Variants in PRRT4 observed in about 807,000 individuals in gnomAD.
PRRT4 encodes proline-rich transmembrane protein 4.
A neutral mutation model predicts 55.6 loss-of-function variants in PRRT4; 59 were observed. The ratio of observed to expected loss-of-function variants is 1.06; its 90% CI spans 0.86 to 1.32. The LOEUF is 1.32. PRRT4 is among the 40% of genes most tolerant of loss of function. PRRT4 has a pLI of 0.00. For missense variants in PRRT4, 1,217 were observed against 1,222.0 expected (o/e 1.00, Z 0.06); for synonymous variants, 606 against 601.8 (o/e 1.01, Z -0.10).
chr7:128,351,693 G>A, exon 5 of PRRT4: 1 of 1,506,554 alleles, frequency 6.6e-7, no homozygotes, highest in Non-Finnish European at 8.8e-7. Flanking sequence ...AGAGCGCCGG[G>A]TAGAGGCCCA....
At chr7:128,352,398 G>A in exon 5 of PRRT4, 1 of 1,524,420 alleles carries the variant, frequency 6.6e-7, no homozygotes, top group South Asian at 1.2e-5. Context: ...AGGGCAAGAG[G>A]GCCAGAGCCA....
At chr7:128,354,488 G>A (rs896633044) in intron 4 of PRRT4, among the ~76,000 whole-genome samples, 6 of 152,000 alleles carry the variant, frequency 3.9e-5, no homozygotes, top group African/African-American at 9.7e-5. Flanking sequence ...CGCTTGAACC[G>A]GGGAGGCGGA....
Position 128,361,103 on chromosome 7 carries a change from T to A in PRRT4, c.-73+458A>T, listed in dbSNP as rs10260566. Among the ~76,000 whole-genome samples the A allele has an allele frequency of 0.35, 26,878 of 76,452 alleles. 4,139 individuals carry two copies. The highest frequency in any genetic ancestry group is 0.44 in the Middle Eastern group (61 of 138). 50.2% of individuals were successfully genotyped at this position (76,452 alleles called of 152,430 possible). On this transcript the variant is annotated intron_variant, in intron 1 of 4. Transcript: ENST00000535159. ...CTCTCTCTCTCTCTCTCTCTCTCTC[T>A]CACACACACACACACACACACACAC...
exon 3 of PRRT4, chr7:128,359,212 C>G (rs375136420): frequency 6.4e-7 from 1 of 1,551,606 alleles, no homozygotes; most frequent in Non-Finnish European, 8.7e-7. Context: ...GGGCTCAGGC[C>G]GGAGAAGTTC....
exon 5 of PRRT4, chr7:128,351,956 C>A: frequency 7.7e-7 from 1 of 1,299,236 alleles, no homozygotes; most frequent in Non-Finnish European, 9.7e-7. Context: ...CCCTTGAAGC[C>A]CGACCCTCCC....
At chr7:128,359,941 A>G in exon 2 of PRRT4, 1 of 1,452,658 alleles carries the variant, frequency 6.9e-7, no homozygotes, top group Non-Finnish European at 9.1e-7. Context: ...CAGTAGCAGC[A>G]AACAGGACGC....
At chr7:128,360,555 C>T (rs1419159956) in intron 1 of PRRT4, among the ~76,000 whole-genome samples, 1 of 152,132 alleles carries the variant, frequency 6.6e-6, no homozygotes, top group Non-Finnish European at 1.5e-5. Context: ...CCAGGGGGCA[C>T]AGGGCCTCGG....
chr7:128,351,617 G>A, exon 5 of PRRT4: 1 of 1,510,544 alleles, frequency 6.6e-7, no homozygotes. Flanking sequence ...GGCAGCAGCG[G>A]AGCCGCGTGG....
chr7:128,358,892 T>C lies in PRRT4; in HGVS notation c.758-92A>G. 1 of 1,463,176 alleles carries C rather than the reference T, an allele frequency of 6.8e-7. No individual in the cohort carries two copies. 90.6% of individuals were successfully genotyped at this position (1,463,176 alleles called of 1,614,324 possible). On this transcript the variant is annotated intron_variant, in intron 3 of 4. Coordinates refer to ENST00000535159, the Ensembl canonical transcript of PRRT4. This position sits in a 1 kb window ranked among gnomAD's most constrained non-coding sequence, Gnocchi z 4.4. ...GAAAATTATGTCCTTCCCCAGAGTTTGTCCTAAGGAAGTCACTGTCCCAGG... is the reference window on the plus strand; with the variant it reads ...GAAAATTATGTCCTTCCCCAGAGTTCGTCCTAAGGAAGTCACTGTCCCAGG...
rs548295951 is a variant in PRRT4, at chr7:128,351,815, G to A, written c.1741C>T (p.His581Tyr). The change falls in exon 5 of 5, where the codon CAC becomes TAC. Residue 581 changes from histidine to tyrosine, a missense_variant. Transcript: ENST00000535159. ...GATTGGCCGCCGTAGCCCAGGGCGT[G>A]CAGCACCTCATAGCCCTGCAGGGCT... 7.8e-6 allele frequency: 11 copies of A among 1,416,498 alleles called. No individual in the cohort carries two copies. The East Asian group carries it at 2.6e-4, about 34-fold the overall frequency. The allele number at this position is 1,416,498 out of a possible 1,614,324, so 87.7% of individuals were successfully genotyped here.
chr7:128,350,688 C>A, downstream of PRRT4: 1 of 1,079,258 alleles, frequency 9.3e-7, no homozygotes, highest in Non-Finnish European at 1.3e-6. Context: ...GATTCCCAAT[C>A]GATAGAGCCT....
chr7:128,352,125 C>T, exon 5 of PRRT4: 1 of 1,190,122 alleles, frequency 8.4e-7, no homozygotes. Context: ...CGGCGGCCGC[C>T]AGCCCCAGCC....
intron 4 of PRRT4, among the ~76,000 whole-genome samples, chr7:128,357,432 T>G (rs994594234): frequency 3.3e-5 from 5 of 152,006 alleles, no homozygotes; most frequent in African/African-American, 1.2e-4. Flanking sequence ...TCTGATACTG[T>G]CCAGACTCAT....
exon 5 of PRRT4, chr7:128,352,440 C>G (rs1478713189): frequency 3.9e-6 from 6 of 1,537,640 alleles, no homozygotes; most frequent in Non-Finnish European, 4.4e-6. Context: ...GGCCGAAGAG[C>G]GCGCCTACCC....
chr7:128,359,735 C>A, exon 2 of PRRT4: 1 of 1,551,490 alleles, frequency 6.4e-7, no homozygotes, highest in Non-Finnish European at 8.7e-7. Flanking sequence ...CACCTCTTCC[C>A]CTGGCTCCTG....
Position 128,358,565 on chromosome 7 carries a change from G to GATGATT in PRRT4, c.877+110_877+115dup. On this transcript the variant is annotated intron_variant, in intron 4 of 4. Transcript: ENST00000535159. This position sits in a 1 kb window ranked among gnomAD's most constrained non-coding sequence, Gnocchi z 4.4. ...TCTCCACGGTGATGATGAAGAGAAT[G>GATGATT]ATGATTATGATTATGATGACAATGA... 1.1e-6 allele frequency: 1 copy of GATGATT among 900,022 alleles called. No individual in the cohort carries two copies. The highest frequency in any genetic ancestry group is 1.5e-5 in the South Asian group (1 of 64,968). 55.8% of individuals were successfully genotyped at this position (900,022 alleles called of 1,614,324 possible). A position where few individuals can be genotyped will look rare whatever the true frequency, so the allele number is the denominator to read the frequency against.
At chr7:128,355,380 T>G (rs531850225) in intron 4 of PRRT4, among the ~76,000 whole-genome samples, 1 of 152,270 alleles carries the variant, frequency 6.6e-6, no homozygotes, top group Non-Finnish European at 1.5e-5. Context: ...ATATTTTTAG[T>G]AGAGATGGAA....
intron 1 of PRRT4, among the ~76,000 whole-genome samples, chr7:128,360,999 A>G (rs1398147553): frequency 6.8e-6 from 1 of 147,554 alleles, no homozygotes; most frequent in Non-Finnish European, 1.5e-5. Context: ...ACACACACAC[A>G]CACACTCCGT....
At chr7:128,360,421 A>G (rs534142283) in intron 1 of PRRT4, among the ~76,000 whole-genome samples, 1 of 152,244 alleles carries the variant, frequency 6.6e-6, no homozygotes, top group East Asian at 1.9e-4. Context: ...ACGCAGGCTT[A>G]CCGTTTGCCA....
Sources: gnomAD v4.1 joint callset for allele counts (sites outside exome capture counted in the v4.1 genomes callset) on GRCh38, gnomAD v4.1.1 for gene constraint, Gnocchi (gnomAD v3.1) non-coding constraint, MANE v1.5 for transcripts, NCBI Gene and HGNC (gene_info 2026-07-23, HGNC 2026-07-21) for gene names.